Variants in ACOXL observed in about 807,000 individuals in gnomAD.
The protein encoded by ACOXL is acyl-CoA oxidase like, also known as acyl-coenzyme A oxidase-like protein.
ACOXL carries 70 observed loss-of-function variants against 71.9 expected under a neutral mutation model. The observed-to-expected ratio is 0.97, with a 90% CI of 0.80 to 1.19. The LOEUF is 1.19. ACOXL is among the 50% of genes most tolerant of loss of function. The probability of loss-of-function intolerance (pLI) is 0.00; values close to 1 mark genes in which losing one functional copy is unlikely to be tolerated. For synonymous variants in ACOXL, 253 were observed against 281.6 expected (o/e 0.90, Z 1.02); for missense variants, 703 against 736.3 (o/e 0.95, Z 0.52).
intron 10 of ACOXL, among the ~76,000 whole-genome samples, chr2:110,885,731 G>A (rs1490681530): frequency 6.6e-6 from 1 of 152,134 alleles, no homozygotes; most frequent in Non-Finnish European, 1.5e-5. Context: ...TATTTTGGGT[G>A]TTTTGGTGAC....
intron 16 of ACOXL, among the ~76,000 whole-genome samples, chr2:111,057,911 A>G (rs1344028079): frequency 1.3e-5 from 2 of 152,230 alleles, no homozygotes; most frequent in Non-Finnish European, 2.9e-5. Context: ...TGTTCAGAAA[A>G]GCAGCGAGCC....
chr2:110,738,064 C>T (rs1268593330), intron 1 of ACOXL, among the ~76,000 whole-genome samples: 1 of 152,220 alleles, frequency 6.6e-6, no homozygotes, highest in South Asian at 2.1e-4. Context: ...CACTTCCCAT[C>T]TCTTGAGGCC....
chr2:110,877,392 G>C (rs924561382), intron 10 of ACOXL, among the ~76,000 whole-genome samples: 1 of 152,222 alleles, frequency 6.6e-6, no homozygotes. Flanking sequence ...GCTGCGGCCC[G>C]TGTGCTTGCT....
At chr2:110,885,740 A>AC (rs1288993344) in intron 10 of ACOXL, among the ~76,000 whole-genome samples, 1 of 152,050 alleles carries the variant, frequency 6.6e-6, no homozygotes, top group South Asian at 2.1e-4. Flanking sequence ...TGTTTTGGTG[A>AC]CCCATGGAGG....
At chr2:110,933,786 T>G in intron 12 of ACOXL, 144 bp downstream of exon 12, 2 of 1,053,350 alleles carry the variant, frequency 1.9e-6, no homozygotes, top group Non-Finnish European at 2.6e-6. Flanking sequence ...CTTACCAGCC[T>G]CATAGTCTTG....
chr2:110,860,973 G>A (rs549127614), intron 10 of ACOXL, among the ~76,000 whole-genome samples: 1 of 152,282 alleles, frequency 6.6e-6, no homozygotes, highest in Non-Finnish European at 1.5e-5. Context: ...AGAGCTTCTA[G>A]GAGTAACAAG....
intron 16 of ACOXL, among the ~76,000 whole-genome samples, chr2:111,074,731 A>C (rs1267635078): frequency 6.6e-6 from 1 of 152,088 alleles, no homozygotes; most frequent in Non-Finnish European, 1.5e-5. Flanking sequence ...AATACCTGGG[A>C]CTATGGGTGT....
intron 9 of ACOXL, among the ~76,000 whole-genome samples, chr2:110,812,466 C>T (rs867951289): frequency 6.6e-6 from 1 of 152,154 alleles, no homozygotes; most frequent in Non-Finnish European, 1.5e-5. Flanking sequence ...CCCTCCTCCC[C>T]ACTCCCTCCT....
chr2:110,775,882 A>G (rs1682571254), intron 2 of ACOXL, among the ~76,000 whole-genome samples: 1 of 152,218 alleles, frequency 6.6e-6, no homozygotes, highest in African/African-American at 2.4e-5. Context: ...TAGAATTACA[A>G]TGCGATCCAG....
In ACOXL at chr2:110,768,461, T is replaced by TC. The variant is rs761418480; in HGVS notation, c.73dup (p.Leu25ProfsTer48). ...CTCTGTTAAAACGTGCAGGTCAGGATCTGGTAAGTGTCATTATTATTCTGG... is the reference window on the plus strand; with the variant it reads ...CTCTGTTAAAACGTGCAGGTCAGGATCCTGGTAAGTGTCATTATTATTCTGG... On this transcript the variant is annotated frameshift_variant, in exon 2 of 18. Transcript: ENST00000439055. LOFTEE classifies it high-confidence loss of function. 5.1e-5 allele frequency: 82 copies of TC among 1,613,088 alleles called. No individual in the cohort carries two copies. The highest frequency in any genetic ancestry group is 6.8e-5 in the Non-Finnish European group (80 of 1,179,748).
chr2:110,843,355 A>G (rs1327987979), intron 10 of ACOXL, among the ~76,000 whole-genome samples: 2 of 152,200 alleles, frequency 1.3e-5, no homozygotes, highest in African/African-American at 4.8e-5. Flanking sequence ...ATCTTAAACC[A>G]TCCTCATTCC....
intron 1 of ACOXL, among the ~76,000 whole-genome samples, chr2:110,757,236 C>G (rs554835527): frequency 6.6e-6 from 1 of 152,220 alleles, no homozygotes; most frequent in East Asian, 1.9e-4. Flanking sequence ...AATCGCATTC[C>G]TTTGTATGTC....
At chr2:110,794,682 G>A (rs1485607150) in intron 5 of ACOXL, among the ~76,000 whole-genome samples, 2 of 152,198 alleles carry the variant, frequency 1.3e-5, no homozygotes, top group South Asian at 4.1e-4. Flanking sequence ...AGAAACAAGA[G>A]TGTCACCAAA....
chr2:110,959,985 G>A (rs1035923112), intron 12 of ACOXL, among the ~76,000 whole-genome samples: 3 of 152,206 alleles, frequency 2.0e-5, no homozygotes, highest in African/African-American at 7.2e-5. Flanking sequence ...GAAGGGAGGA[G>A]CATAAGGCTG....
Position 110,963,564 on chromosome 2 carries a change from AATGT to A in ACOXL, c.1060-23543_1060-23540del, listed in dbSNP as rs879920852. 2.7e-4 allele frequency: 401 copies of A among 1,478,494 alleles called. 2 individuals are homozygous for A. Among genetic ancestry groups the A allele is most frequent in the South Asian group, 6.9e-4 (52 of 75,630 alleles). 91.6% of individuals were successfully genotyped at this position (1,478,494 alleles called of 1,614,324 possible). On this transcript the variant is annotated intron_variant, in intron 12 of 17. Coordinates refer to ENST00000439055, the MANE Select transcript of ACOXL (RefSeq NM_001142807.4). The stretch of plus-strand genomic sequence containing the variant: ...TGTAGTGATGGGATCGCAAATTTGA[AATGT>A]GTGTGTGTGTGTGTGTGTGTGTGTG...
At chr2:111,061,566 A>G (rs1471944076) in intron 16 of ACOXL, among the ~76,000 whole-genome samples, 1 of 152,184 alleles carries the variant, frequency 6.6e-6, no homozygotes, top group East Asian at 1.9e-4. Context: ...AAGAAGAAAG[A>G]ATTCGGTAAA....
chr2:110,766,392 A>G (rs1681071073), intron 1 of ACOXL, among the ~76,000 whole-genome samples: 1 of 152,162 alleles, frequency 6.6e-6, no homozygotes, highest in African/African-American at 2.4e-5. Context: ...TGTTGAGCCA[A>G]CTTTGTTGAA....
intron 16 of ACOXL, among the ~76,000 whole-genome samples, chr2:111,070,534 C>A (rs1392571754): frequency 6.6e-6 from 1 of 152,102 alleles, no homozygotes; most frequent in East Asian, 1.9e-4. Context: ...AACAGAATAA[C>A]TACTGGATAC....
At chr2:110,836,345 C>A (rs542800654) in intron 9 of ACOXL, among the ~76,000 whole-genome samples, 75 of 152,266 alleles carry the variant, frequency 4.9e-4, no homozygotes, top group Admixed American at 9.8e-4. Context: ...TCTCATGACC[C>A]TGTTTGAGTG....
Sources: gnomAD v4.1 joint callset for allele counts (sites outside exome capture counted in the v4.1 genomes callset) on GRCh38, gnomAD v4.1.1 for gene constraint, MANE v1.5 for transcripts, NCBI Gene and HGNC (gene_info 2026-07-23, HGNC 2026-07-21) for gene names.